C10orf67: variants seen among roughly 807,000 people sequenced by gnomAD.
The protein encoded by C10orf67 is chromosome 10 open reading frame 67.
C10orf67 carries 60 observed loss-of-function variants against 35.6 expected under a neutral mutation model. That is an observed-to-expected ratio of 1.68 (90% CI 1.37 to 2.09). The LOEUF (loss-of-function observed/expected upper bound fraction) is 2.09, where lower values mean the gene tolerates loss of function less well. C10orf67 is among the 30% of genes most tolerant of loss of function. The pLI, the probability that C10orf67 is intolerant of heterozygous loss-of-function variation, is 0.00. For synonymous variants in C10orf67, 167 were observed against 115.8 expected, an observed-to-expected ratio of 1.44 and a Z score of -2.84; for missense variants, 474 against 330.2, an observed-to-expected ratio of 1.44 and a Z score of -3.38.
intron 15 of C10orf67, among the ~76,000 whole-genome samples, chr10:23,220,658 A>G (rs1841551552): frequency 6.6e-6 from 1 of 152,192 alleles, no homozygotes; most frequent in African/African-American, 2.4e-5. Flanking sequence ...TCTTTGCAAT[A>G]TAAACCTAAC....
In C10orf67 at chr10:23,203,991, C is replaced by G. The variant is rs1841087134; in HGVS notation, c.*182G>C. On this transcript the variant is annotated 3_prime_UTR_variant, in exon 16 of 16. Transcript: ENST00000636213. ...TTAAAGGCGTGGAAAGGAGCGCGCA[C>G]AAGGCGCGCATTGAGGTCTATTCGA... 2 of 378,614 alleles carry G rather than the reference C, an allele frequency of 5.3e-6. No individual in the cohort carries two copies. Among genetic ancestry groups the G allele is most frequent in the African/African-American group, 2.1e-5 (1 of 48,060 alleles). 23.5% of individuals were successfully genotyped at this position (378,614 alleles called of 1,614,324 possible).
intron 13 of C10orf67, 51 bp downstream of exon 13, chr10:23,239,678 G>C (rs1201521664): frequency 1.6e-6 from 1 of 611,000 alleles, no homozygotes; most frequent in Admixed American, 2.1e-5. Context: ...GAAAGAAACA[G>C]ACAGGTATAT....
intron 5 of C10orf67, among the ~76,000 whole-genome samples, chr10:23,298,311 T>C (rs919922696): frequency 2.0e-5 from 3 of 152,156 alleles, no homozygotes; most frequent in Non-Finnish European, 4.4e-5. Context: ...TGCCACTACA[T>C]CAATTTCCTT....
chr10:23,241,175 C>G (rs757536980), intron 12 of C10orf67, among the ~76,000 whole-genome samples: 3 of 152,174 alleles, frequency 2.0e-5, no homozygotes, highest in Non-Finnish European at 4.4e-5. Context: ...CTACTTTCTC[C>G]CCTTTCAAAC....
chr10:23,266,720 G>C (rs905745393), intron 9 of C10orf67, among the ~76,000 whole-genome samples: 1 of 152,076 alleles, frequency 6.6e-6, no homozygotes, highest in Non-Finnish European at 1.5e-5. Flanking sequence ...GTGGAGGGGG[G>C]TGGGTGGCAG....
chr10:23,243,285 G>C (rs1334749757), intron 12 of C10orf67, among the ~76,000 whole-genome samples: 1 of 152,144 alleles, frequency 6.6e-6, no homozygotes, highest in Non-Finnish European at 1.5e-5. Context: ...TTGATAGTTG[G>C]ATATGATGCC....
intron 8 of C10orf67, among the ~76,000 whole-genome samples, chr10:23,273,734 A>T (rs1214391586): frequency 6.6e-6 from 1 of 152,220 alleles, no homozygotes; most frequent in Non-Finnish European, 1.5e-5. Context: ...GCTGGTCCAC[A>T]GTAATTTTGA....
At chr10:23,278,700 C>A (rs1252808463) in intron 8 of C10orf67, among the ~76,000 whole-genome samples, 3 of 152,144 alleles carry the variant, frequency 2.0e-5, no homozygotes, top group Non-Finnish European at 1.5e-5. Flanking sequence ...TGACCTCCGA[C>A]CTGAAAGATG....
intron 10 of C10orf67, among the ~76,000 whole-genome samples, chr10:23,263,013 A>G (rs895334807): frequency 7.9e-5 from 12 of 152,248 alleles, no homozygotes; most frequent in African/African-American, 2.9e-4. Flanking sequence ...ATCATAATCC[A>G]TCAAAATATA....
At chr10:23,267,319 TA>T in intron 8 of C10orf67, 65 bp from the exon 9 acceptor site, 1 of 657,270 alleles carries the variant, frequency 1.5e-6, no homozygotes, top group Non-Finnish European at 2.7e-6. Context: ...CAATTTTCTA[TA>T]AAACTTCTAT....
At position 23,250,458 on chromosome 10, in the gene C10orf67, T is replaced by C. The variant is rs1842417792; in HGVS notation, c.1343A>G (p.Asn448Ser). The change falls in exon 12 of 16, where the codon AAC becomes AGC. Residue 448 changes from asparagine (N) to serine (S), a missense_variant. By Grantham distance (46) the Asn-to-Ser change is conservative. Coordinates refer to ENST00000636213, the MANE Select transcript of C10orf67 (RefSeq NM_001371909.1). ...ATTTGTATATTTCACACCATACCTG[T>C]TCCTGAGAATAAAGAATCTCTTTTC... ...SWEKRFFILR[N>S]SFHVLKNEMF... 2.5e-6 allele frequency: 1 copy of C among 398,460 alleles called. No homozygotes were observed. Among genetic ancestry groups the C allele is most frequent in the Non-Finnish European group, 4.4e-6 (1 of 225,818 alleles). 24.7% of individuals were successfully genotyped at this position (398,460 alleles called of 1,614,324 possible).
At chr10:23,268,007 G>C (rs1021355419) in intron 8 of C10orf67, among the ~76,000 whole-genome samples, 4 of 152,070 alleles carry the variant, frequency 2.6e-5, no homozygotes, top group African/African-American at 9.7e-5. Flanking sequence ...CAATTTCAAA[G>C]CTGGGTGCAG....
At chr10:23,281,197 C>T (rs1394773460) in intron 8 of C10orf67, among the ~76,000 whole-genome samples, 1 of 152,080 alleles carries the variant, frequency 6.6e-6, no homozygotes, top group Non-Finnish European at 1.5e-5. Flanking sequence ...GCATTAATTT[C>T]TATGACAAGG....
At chr10:23,247,150 T>C (rs1842337207) in intron 12 of C10orf67, among the ~76,000 whole-genome samples, 1 of 152,148 alleles carries the variant, frequency 6.6e-6, no homozygotes, top group African/African-American at 2.4e-5. Flanking sequence ...GTAAATCTAG[T>C]GTAGCCTGAG....
chr10:23,207,429 G>T (rs1250997002), intron 15 of C10orf67, among the ~76,000 whole-genome samples: 1 of 151,660 alleles, frequency 6.6e-6, no homozygotes, highest in African/African-American at 2.4e-5. Context: ...GGTTGCTCAG[G>T]TAGTAATGAA....
chr10:23,319,115 A>G (rs1196513386), intron 4 of C10orf67, among the ~76,000 whole-genome samples: 2 of 152,168 alleles, frequency 1.3e-5, no homozygotes, highest in Non-Finnish European at 2.9e-5. Flanking sequence ...GGTAATAAGC[A>G]TAGTACTCAA....
intron 4 of C10orf67, among the ~76,000 whole-genome samples, chr10:23,311,698 C>G (rs901455243): frequency 1.5e-5 from 2 of 134,536 alleles, no homozygotes; most frequent in Admixed American, 8.0e-5. Flanking sequence ...GCAACAAGAG[C>G]GAAACTCCAT....
intron 12 of C10orf67, among the ~76,000 whole-genome samples, chr10:23,248,866 A>G (rs1364024383): frequency 2.0e-5 from 3 of 152,188 alleles, no homozygotes; most frequent in Non-Finnish European, 2.9e-5. Context: ...TTAGATATCA[A>G]CATAAAGTCT....
intron 12 of C10orf67, among the ~76,000 whole-genome samples, chr10:23,246,626 T>C (rs1842322529): frequency 6.6e-6 from 1 of 152,190 alleles, no homozygotes; most frequent in African/African-American, 2.4e-5. Flanking sequence ...GGACTGCATA[T>C]ACAATGGTGG....
Sources: allele counts gnomAD v4.1 joint callset (sites outside exome capture counted in the v4.1 genomes callset), GRCh38; gene constraint gnomAD v4.1.1; transcripts MANE v1.5; gene names NCBI Gene and HGNC (gene_info 2026-07-23, HGNC 2026-07-21).